ROR1: variants seen among roughly 807,000 people sequenced by gnomAD.
ROR1 encodes the protein ROR family WNT receptor 1.
ROR1 carries 19 observed loss-of-function variants against 78.8 expected under a neutral mutation model. That is an observed-to-expected ratio of 0.24 (90% CI 0.17 to 0.35). ROR1 has a LOEUF of 0.35. Ranked by LOEUF, ROR1 falls within the 10% of genes least tolerant of loss-of-function variation. The pLI, the probability that ROR1 is intolerant of heterozygous loss-of-function variation, is 1.00. For synonymous variants in ROR1, 386 were observed against 433.6 expected, an observed-to-expected ratio of 0.89 and a Z score of 1.36; for missense variants, 917 against 1,177.8, an observed-to-expected ratio of 0.78 and a Z score of 3.24.
intron 1 of ROR1, among the ~76,000 whole-genome samples, chr1:63,785,496 ATTT>A (rs1557494993): frequency 1.5e-3 from 192 of 126,410 alleles, no homozygotes; most frequent in African/African-American, 6.3e-3. Context: ...ATATATATAT[ATTT>A]TATTTATTTA....
intron 1 of ROR1, among the ~76,000 whole-genome samples, chr1:63,913,460 G>A (rs1569900450): frequency 6.6e-6 from 1 of 152,258 alleles, no homozygotes; most frequent in East Asian, 1.9e-4. Context: ...GGTATGCTGT[G>A]TATTTTGGGA....
chr1:63,971,739 C>T (rs903977729), intron 1 of ROR1, among the ~76,000 whole-genome samples: 2 of 152,168 alleles, frequency 1.3e-5, no homozygotes, highest in African/African-American at 4.8e-5. Context: ...CTGGAATGGT[C>T]TGTCTGGCAG....
chr1:64,037,103 C>T (rs1466631486), intron 2 of ROR1, among the ~76,000 whole-genome samples: 1 of 152,180 alleles, frequency 6.6e-6, no homozygotes, highest in East Asian at 1.9e-4. Context: ...AAACCTGACT[C>T]TGAAGTCTCT....
chr1:64,046,185 G>T (rs995364701), intron 2 of ROR1, among the ~76,000 whole-genome samples: 2 of 152,154 alleles, frequency 1.3e-5, no homozygotes, highest in Non-Finnish European at 2.9e-5. Flanking sequence ...AGCCCAGGGA[G>T]GTGAAGTGAT....
At chr1:63,809,722 G>GGCAA (rs1644849442) in intron 1 of ROR1, among the ~76,000 whole-genome samples, 1 of 152,188 alleles carries the variant, frequency 6.6e-6, no homozygotes, top group Admixed American at 6.5e-5. Flanking sequence ...TGTCACTTCA[G>GGCAA]GCAAGGGGCA....
At chr1:63,821,998 A>C (rs1198450006) in intron 1 of ROR1, among the ~76,000 whole-genome samples, 1 of 152,236 alleles carries the variant, frequency 6.6e-6, no homozygotes, top group Non-Finnish European at 1.5e-5. Flanking sequence ...TATTTGGTGC[A>C]GACATTTTCT....
chr1:64,010,016 C>T (rs2100543894), intron 2 of ROR1, among the ~76,000 whole-genome samples: 1 of 152,254 alleles, frequency 6.6e-6, no homozygotes, highest in Admixed American at 6.5e-5. Context: ...TATCTTTATT[C>T]CCCTTTATGC....
intron 4 of ROR1, among the ~76,000 whole-genome samples, chr1:64,097,846 C>T (rs183930000): frequency 1.3e-5 from 2 of 152,104 alleles, no homozygotes; most frequent in South Asian, 2.1e-4. Context: ...CTGTGGTGGA[C>T]AATTTGAGAA....
chr1:63,787,224 G>T (rs1280922270), intron 1 of ROR1, among the ~76,000 whole-genome samples: 2 of 152,114 alleles, frequency 1.3e-5, no homozygotes, highest in Non-Finnish European at 2.9e-5. Context: ...GCCTGTTTCA[G>T]CCTGTCAGTC....
chr1:63,825,330 G>A (rs1199209150), intron 1 of ROR1, among the ~76,000 whole-genome samples: 1 of 152,154 alleles, frequency 6.6e-6, no homozygotes, highest in Non-Finnish European at 1.5e-5. Context: ...CTATACAATA[G>A]AATACTATTT....
chr1:63,952,069 G>A (rs1645944398), intron 1 of ROR1, among the ~76,000 whole-genome samples: 1 of 152,192 alleles, frequency 6.6e-6, no homozygotes, highest in African/African-American at 2.4e-5. Flanking sequence ...TGTCCCAGGT[G>A]ACAATGGTTA....
intron 2 of ROR1, among the ~76,000 whole-genome samples, chr1:64,022,621 C>T (rs1286630903): frequency 1.3e-5 from 2 of 152,188 alleles, no homozygotes; most frequent in East Asian, 3.9e-4. Context: ...TTCACTAAAC[C>T]TCTCTGGACT....
intron 4 of ROR1, among the ~76,000 whole-genome samples, chr1:64,060,919 G>C (rs189509350): frequency 2.6e-5 from 4 of 152,322 alleles, no homozygotes; most frequent in African/African-American, 9.6e-5. Context: ...AGCCTGGAAA[G>C]TTTCCAATTA....
intron 7 of ROR1, chr1:64,143,103 T>C (rs1357683969): frequency 3.0e-6 from 3 of 1,010,668 alleles, no homozygotes; most frequent in Non-Finnish European, 3.6e-6. Context: ...GGACAATCTG[T>C]GGGTAAACTG....
intron 1 of ROR1, among the ~76,000 whole-genome samples, chr1:63,948,195 A>G (rs143352402): frequency 2.6e-5 from 4 of 152,256 alleles, no homozygotes; most frequent in Admixed American, 2.6e-4. Context: ...ACAAACAAAC[A>G]ATGAAAAGAA....
Position 63,955,787 on chromosome 1 carries a change from G to T in ROR1, c.92-53518G>T, listed in dbSNP as rs180934508. ...CACCCTCTAGCTTTCCCCCACCACC[G>T]TAGCAGTTTCCATTTTTACCGTTAT... On this transcript the variant is annotated intron_variant, in intron 1 of 8. Coordinates refer to ENST00000371079, the MANE Select transcript of ROR1 (RefSeq NM_005012.4). Among the ~76,000 whole-genome samples, 96 of 152,172 alleles carry T rather than the reference G, an allele frequency of 6.3e-4. 1 individual carries two copies. The highest frequency in any genetic ancestry group is 2.2e-3 in the African/African-American group (91 of 41,520).
chr1:64,020,024 C>T (rs1001531000), intron 2 of ROR1, among the ~76,000 whole-genome samples: 6 of 152,052 alleles, frequency 3.9e-5, no homozygotes, highest in African/African-American at 1.4e-4. Flanking sequence ...GCAGAGATCA[C>T]GTGATGCAGC....
chr1:64,014,128 T>A (rs575792868), intron 2 of ROR1, among the ~76,000 whole-genome samples: 15 of 152,188 alleles, frequency 9.9e-5, no homozygotes, highest in South Asian at 2.1e-4. Flanking sequence ...TGCATTCATA[T>A]CCCCTCCTCC....
chr1:63,843,063 T>G, intron 1 of ROR1: 6 of 487,674 alleles, frequency 1.2e-5, no homozygotes, highest in East Asian at 1.2e-4. Context: ...GCAACTGGAG[T>G]GAAGGGATTG....
Sources: allele counts gnomAD v4.1 joint callset (sites outside exome capture counted in the v4.1 genomes callset), GRCh38; gene constraint gnomAD v4.1.1; transcripts MANE v1.5; gene names NCBI Gene and HGNC (gene_info 2026-07-23, HGNC 2026-07-21).